Variants in SYT1 observed in about 807,000 individuals in gnomAD.
SYT1 encodes the protein synaptotagmin 1.
In SYT1, 8 loss-of-function variants were observed where a neutral mutation model predicts 44.8. That is an observed-to-expected ratio of 0.18 (90% CI 0.10 to 0.32). SYT1 has a LOEUF of 0.32. Among genes scored for constraint, SYT1 ranks in the 10% least tolerant of loss-of-function variants. The pLI is 1.00. For missense variants in SYT1, 286 were observed against 509.3 expected, an observed-to-expected ratio of 0.56 and a Z score of 4.22; for synonymous variants, 154 against 188.8, an observed-to-expected ratio of 0.82 and a Z score of 1.51.
At chr12:79,189,729 C>A (rs895066712) in intron 3 of SYT1, among the ~76,000 whole-genome samples, 2 of 152,078 alleles carry the variant, frequency 1.3e-5, no homozygotes, top group Non-Finnish European at 2.9e-5. Flanking sequence ...CATGACAAAA[C>A]CTCGTCTCTA....
chr12:79,006,229 A>G (rs576209048), intron 2 of SYT1, among the ~76,000 whole-genome samples: 1 of 152,290 alleles, frequency 6.6e-6, no homozygotes, highest in Non-Finnish European at 1.5e-5. Context: ...ACTTGTGACC[A>G]TGTATGAAGA....
chr12:78,877,170 T>C (rs554288386), intron 1 of SYT1, among the ~76,000 whole-genome samples: 28 of 151,054 alleles, frequency 1.9e-4, no homozygotes, highest in Non-Finnish European at 3.7e-4. Context: ...GTTTAATGGA[T>C]TCACAGTTCC....
At chr12:78,961,352 T>C (rs1218103865) in intron 1 of SYT1, among the ~76,000 whole-genome samples, 1 of 152,000 alleles carries the variant, frequency 6.6e-6, no homozygotes. Context: ...CAAGTGATCC[T>C]CCCACCTCAG....
intron 9 of SYT1, among the ~76,000 whole-genome samples, chr12:79,419,649 T>C (rs1868981445): frequency 6.6e-6 from 1 of 152,136 alleles, no homozygotes; most frequent in African/African-American, 2.4e-5. Context: ...AGGTCTACAA[T>C]AGTAAGTATA....
chr12:78,946,365 G>C (rs1197304979), intron 1 of SYT1, among the ~76,000 whole-genome samples: 1 of 152,110 alleles, frequency 6.6e-6, no homozygotes, highest in African/African-American at 2.4e-5. Context: ...ATAAAAGCTT[G>C]TATTTATGGC....
chr12:78,938,102 T>C (rs74590733), intron 1 of SYT1, among the ~76,000 whole-genome samples: 13,163 of 152,190 alleles, frequency 0.086, 642 homozygotes, highest in East Asian at 0.18. Flanking sequence ...AAAATAATTT[T>C]ATCTTTGCAT....
chr12:78,898,093 G>C (rs1279792709), intron 1 of SYT1, among the ~76,000 whole-genome samples: 1 of 152,020 alleles, frequency 6.6e-6, no homozygotes, highest in Non-Finnish European at 1.5e-5. Context: ...AGTTGAAAAT[G>C]CATTTTCTGA....
intron 1 of SYT1, among the ~76,000 whole-genome samples, chr12:78,934,110 G>A (rs1277688433): frequency 1.3e-5 from 2 of 151,620 alleles, no homozygotes; most frequent in Non-Finnish European, 2.9e-5. Context: ...ATATATGTGT[G>A]TATATACATA....
intron 3 of SYT1, among the ~76,000 whole-genome samples, chr12:79,175,862 G>A (rs1257389778): frequency 6.6e-6 from 1 of 151,864 alleles, no homozygotes; most frequent in Admixed American, 6.6e-5. Context: ...GGGGTTGGGG[G>A]GTAGCATCCC....
At chr12:79,149,044 G>A (rs953207799) in intron 3 of SYT1, among the ~76,000 whole-genome samples, 2 of 152,044 alleles carry the variant, frequency 1.3e-5, no homozygotes, top group African/African-American at 4.8e-5. Flanking sequence ...ATAAGTATAA[G>A]AACATTACTT....
chr12:79,132,700 A>G (rs981222575), intron 3 of SYT1, among the ~76,000 whole-genome samples: 1 of 143,646 alleles, frequency 7.0e-6, no homozygotes, highest in African/African-American at 2.6e-5. Context: ...AAAAAAAAAA[A>G]ACCCTGAAAA....
chr12:79,434,522 ATACT>A (rs1869978388), intron 9 of SYT1, among the ~76,000 whole-genome samples: 1 of 152,230 alleles, frequency 6.6e-6, no homozygotes, highest in Admixed American at 6.5e-5. Flanking sequence ...AGCCCTATTA[ATACT>A]TAATTATTTG....
chr12:78,905,142 A>G (rs1875894685), intron 1 of SYT1, among the ~76,000 whole-genome samples: 1 of 152,180 alleles, frequency 6.6e-6, no homozygotes, highest in Non-Finnish European at 1.5e-5. Flanking sequence ...ATCTTGAGAA[A>G]TGTCTTCCTG....
chr12:79,000,779 CT>C (rs369512519), intron 2 of SYT1, among the ~76,000 whole-genome samples: 2,025 of 152,054 alleles, frequency 0.013, 49 homozygotes, highest in African/African-American at 0.047. Context: ...GGGGAAGAAA[CT>C]TTTTTTTCAT....
intron 2 of SYT1, among the ~76,000 whole-genome samples, chr12:79,028,771 T>C (rs976565289): frequency 9.3e-5 from 14 of 151,346 alleles, no homozygotes; most frequent in African/African-American, 3.4e-4. Context: ...CAATGAAATG[T>C]ATAAGTATTA....
chr12:79,347,870 T>C (rs567802859), intron 8 of SYT1, among the ~76,000 whole-genome samples: 1 of 152,222 alleles, frequency 6.6e-6, no homozygotes, highest in South Asian at 2.1e-4. Context: ...TAGGACTGCA[T>C]TGGACTACAT....
chr12:78,877,248 C>T (rs898582951), intron 1 of SYT1, among the ~76,000 whole-genome samples: 6 of 151,144 alleles, frequency 4.0e-5, no homozygotes, highest in Non-Finnish European at 8.9e-5. Context: ...TCCTATGTGG[C>T]GGTAGGCAAA....
chr12:78,944,190 G>A (rs1240354146), intron 1 of SYT1, among the ~76,000 whole-genome samples: 1 of 151,516 alleles, frequency 6.6e-6, no homozygotes, highest in Non-Finnish European at 1.5e-5. Context: ...TATACTTAGA[G>A]GAAGGTTTTT....
At chr12:79,043,249 G>C (rs944979139) in intron 2 of SYT1, among the ~76,000 whole-genome samples, 2 of 149,372 alleles carry the variant, frequency 1.3e-5, no homozygotes, top group Non-Finnish European at 3.0e-5. Flanking sequence ...CATTATTAAT[G>C]TGTGGGAGTC....
Sources: gnomAD v4.1 joint callset for allele counts (sites outside exome capture counted in the v4.1 genomes callset) on GRCh38, gnomAD v4.1.1 for gene constraint, MANE v1.5 for transcripts, NCBI Gene and HGNC (gene_info 2026-07-23, HGNC 2026-07-21) for gene names.